The following ABHD5 variants were observed in gnomAD, a reference collection of about 807,000 sequenced individuals.
The protein encoded by ABHD5 is 1-acylglycerol-3-phosphate O-acyltransferase ABHD5.
In ABHD5, 30 loss-of-function variants were observed where a neutral mutation model predicts 44.9. The observed-to-expected ratio is 0.67, with a 90% confidence interval of 0.50 to 0.91. ABHD5 has a LOEUF of 0.91. Among genes scored for constraint, ABHD5 ranks in the 40% least tolerant of loss-of-function variants. ABHD5 has a pLI of 0.00. For missense variants in ABHD5, 399 were observed against 423.4 expected, an observed-to-expected ratio of 0.94 and a Z score of 0.50; for synonymous variants, 167 against 147.0, an observed-to-expected ratio of 1.14 and a Z score of -0.99.
At chr3:43,726,175 T>A (rs1489429221), downstream of ABHD5, among the ~76,000 whole-genome samples, 1 of 152,100 alleles carries the variant, frequency 6.6e-6, no homozygotes, top group Non-Finnish European at 1.5e-5. Context: ...GTTTCCTAGT[T>A]TTTAACCTGC....
chr3:43,705,081 A>G (rs2084598252), intron 3 of ABHD5, among the ~76,000 whole-genome samples: 3 of 152,224 alleles, frequency 2.0e-5, no homozygotes, highest in Admixed American at 1.3e-4. Flanking sequence ...TCAGAACACC[A>G]TGGTTGGCAC....
chr3:43,707,450 A>G (rs142080398), intron 3 of ABHD5, among the ~76,000 whole-genome samples: 4 of 152,172 alleles, frequency 2.6e-5, no homozygotes, highest in African/African-American at 9.6e-5. Context: ...AGTTGGAGAT[A>G]TTTAGTTTGT....
intron 4 of ABHD5, among the ~76,000 whole-genome samples, chr3:43,713,088 A>G (rs2084708929): frequency 6.6e-6 from 1 of 152,076 alleles, no homozygotes; most frequent in Non-Finnish European, 1.5e-5. Flanking sequence ...AGGCTGAGGT[A>G]GGCAGATCAC....
intron 2 of ABHD5, among the ~76,000 whole-genome samples, chr3:43,701,617 C>G (rs753884931): frequency 2.0e-5 from 3 of 152,158 alleles, no homozygotes; most frequent in Non-Finnish European, 4.4e-5. Flanking sequence ...AGAGTTGGAC[C>G]CAAGTTACCT....
At chr3:43,694,259 A>T (rs2084442243) in intron 1 of ABHD5, among the ~76,000 whole-genome samples, 1 of 115,906 alleles carries the variant, frequency 8.6e-6, no homozygotes, top group African/African-American at 3.5e-5. Flanking sequence ...ACTCCGTCTC[A>T]AAAAAAAAAA....
chr3:43,709,275 T>C (rs977507347), intron 3 of ABHD5, among the ~76,000 whole-genome samples: 15 of 151,990 alleles, frequency 9.9e-5, no homozygotes, highest in Non-Finnish European at 2.1e-4. Flanking sequence ...ATTGAGCAAT[T>C]GTAGGCACGG....
At chr3:43,706,857 A>G (rs1396670315) in intron 3 of ABHD5, among the ~76,000 whole-genome samples, 4 of 152,192 alleles carry the variant, frequency 2.6e-5, no homozygotes, top group Non-Finnish European at 5.9e-5. Flanking sequence ...CATGGAGGGA[A>G]AAAACACAAA....
intron 5 of ABHD5, among the ~76,000 whole-genome samples, chr3:43,716,336 T>C (rs1297675365): frequency 6.6e-6 from 1 of 152,116 alleles, no homozygotes; most frequent in African/African-American, 2.4e-5. Flanking sequence ...CTCTAACAAA[T>C]ACTCTGGTGA....
Position 43,718,776 on chromosome 3 carries a change from A to G in ABHD5, c.*244A>G. On this transcript the variant is annotated 3_prime_UTR_variant, in exon 7 of 7. Coordinates refer to ENST00000644371, the MANE Select transcript of ABHD5 (RefSeq NM_016006.6). ...CAAGTCTCTAAATATAATACCTTTA[A>G]ATAAAAGGTTATTTGTCCCTCTGAT... The G allele has an allele frequency of 2.2e-6, 1 of 450,866 alleles. No individual in the cohort carries two copies. Among genetic ancestry groups the G allele is most frequent in the Non-Finnish European group, 4.0e-6 (1 of 250,068 alleles). 27.9% of individuals were successfully genotyped at this position (450,866 alleles called of 1,614,324 possible).
intron 2 of ABHD5, 73 bp downstream of exon 2, chr3:43,699,434 C>T (rs1285985875): frequency 7.4e-7 from 1 of 1,355,924 alleles, no homozygotes; most frequent in African/African-American, 1.4e-5. Context: ...TGCCCTGAAA[C>T]TGGAGGTAAG....
At position 43,719,098 on chromosome 3, in the gene ABHD5, A is replaced by C. The variant is rs1374426012; in HGVS notation, c.*566A>C. The C allele has an allele frequency of 2.5e-5, 4 of 156,910 alleles. No individual in the cohort carries two copies. The highest frequency in any genetic ancestry group is 4.2e-5 in the Non-Finnish European group (3 of 71,064). The allele number at this position is 156,910 out of a possible 1,614,324, so 9.7% of individuals were successfully genotyped here. ...TTTGGTTAGAGGACGGGAGTTGATC[A>C]CTATCATTACTTTTTCTAGTTTACC... is the stretch of plus-strand genomic sequence containing the variant. On this transcript the variant is annotated 3_prime_UTR_variant, in exon 7 of 7. Coordinates refer to ENST00000644371, the MANE Select transcript of ABHD5 (RefSeq NM_016006.6).
At chr3:43,701,329 A>T (rs976043794) in intron 2 of ABHD5, among the ~76,000 whole-genome samples, 1 of 152,222 alleles carries the variant, frequency 6.6e-6, no homozygotes, top group Non-Finnish European at 1.5e-5. Flanking sequence ...TGCTGCCACT[A>T]TGTGGATACA....
At chr3:43,696,534 C>T (rs894503802) in intron 1 of ABHD5, among the ~76,000 whole-genome samples, 1 of 152,072 alleles carries the variant, frequency 6.6e-6, no homozygotes, top group African/African-American at 2.4e-5. Flanking sequence ...ATTAATTTAT[C>T]CCGAAGACAG....
At chr3:43,726,723 T>C (rs1369540769), downstream of ABHD5, among the ~76,000 whole-genome samples, 1 of 152,192 alleles carries the variant, frequency 6.6e-6, no homozygotes, top group South Asian at 2.1e-4. Context: ...TCACAGAGCA[T>C]TGAGGCTCAA....
chr3:43,711,483 TATATTAAAA>T lies in ABHD5; in HGVS notation c.507-222_507-214del, dbSNP rs537309781. 2.1e-3 allele frequency among the ~76,000 whole-genome samples: 321 copies of T among 152,304 alleles called. 1 individual carries two copies. Among genetic ancestry groups the T allele is most frequent in the Non-Finnish European group, 3.5e-3 (239 of 68,028 alleles). ...ATATCTTTTATTATTCACATTTAGA[TATATTAAAA>T]ATAAAGCCCTCTTTCTACCATACAC... is the stretch of plus-strand genomic sequence containing the variant. On this transcript the variant is annotated intron_variant, in intron 3 of 6. Coordinates refer to ENST00000644371, the MANE Select transcript of ABHD5 (RefSeq NM_016006.6).
At chr3:43,724,573 T>C (rs1220003130), downstream of ABHD5, among the ~76,000 whole-genome samples, 5 of 152,176 alleles carry the variant, frequency 3.3e-5, no homozygotes, top group Non-Finnish European at 7.4e-5. Flanking sequence ...CTGATTAAAT[T>C]ATGCTACATT....
intron 3 of ABHD5, 22 bp downstream of exon 3, chr3:43,702,609 G>C: frequency 6.2e-7 from 1 of 1,614,114 alleles, no homozygotes; most frequent in Non-Finnish European, 8.5e-7. Flanking sequence ...TGACAGAAGA[G>C]AGGGATTATA....
At chr3:43,717,594 G>A (rs779775164) in intron 5 of ABHD5, 77 bp from the exon 6 acceptor site, 98 of 1,467,626 alleles carry the variant, frequency 6.7e-5, no homozygotes, top group Non-Finnish European at 8.9e-5. Flanking sequence ...ATATGAATGT[G>A]TTTTGATAGA....
chr3:43,711,586 A>G (rs17075899), intron 3 of ABHD5, 123 bp from the exon 4 acceptor site: 76,598 of 1,075,584 alleles, frequency 0.071, 4,220 homozygotes, highest in South Asian at 0.21. Flanking sequence ...TTTAGCACTA[A>G]TCTTTAACGT....
Sources: allele counts gnomAD v4.1 joint callset (sites outside exome capture counted in the v4.1 genomes callset), GRCh38; gene constraint gnomAD v4.1.1; transcripts MANE v1.5; gene names NCBI Gene and HGNC (gene_info 2026-07-23, HGNC 2026-07-21).